BICC1: variants seen among roughly 807,000 people sequenced by gnomAD.
BICC1 encodes the protein protein bicaudal C homolog 1.
In BICC1, 43 loss-of-function variants were observed where a neutral mutation model predicts 111.0. The observed-to-expected ratio is 0.39, with a 90% CI of 0.30 to 0.50. The LOEUF (loss-of-function observed/expected upper bound fraction) is 0.50. Ranked by LOEUF, BICC1 falls within the 20% of genes least tolerant of loss-of-function variation. The pLI is 0.88. For synonymous variants in BICC1, 467 were observed against 434.4 expected, an observed-to-expected ratio of 1.07 and a Z score of -0.93; for missense variants, 1,091 against 1,203.2, an observed-to-expected ratio of 0.91 and a Z score of 1.38.
At chr10:58,711,701 C>CT (rs1166166392) in intron 3 of BICC1, among the ~76,000 whole-genome samples, 4 of 152,136 alleles carry the variant, frequency 2.6e-5, no homozygotes, top group Admixed American at 6.5e-5. Context: ...TCTTTCCAAT[C>CT]TTTTTTCTCT....
intron 1 of BICC1, among the ~76,000 whole-genome samples, chr10:58,538,508 T>A (rs897715465): frequency 3.3e-5 from 5 of 151,762 alleles, no homozygotes; most frequent in African/African-American, 1.2e-4. Context: ...CCTGAAACCA[T>A]GAAAATTCTA....
At chr10:58,513,425 G>GC in intron 1 of BICC1, 92 bp downstream of exon 1, 1 of 1,269,894 alleles carries the variant, frequency 7.9e-7, no homozygotes, top group Non-Finnish European at 1.0e-6. Flanking sequence ...CGCTACTCCA[G>GC]CCTACGGCCG....
chr10:58,754,493 G>T (rs1842083608), intron 3 of BICC1, among the ~76,000 whole-genome samples: 1 of 152,208 alleles, frequency 6.6e-6, no homozygotes, highest in African/African-American at 2.4e-5. Flanking sequence ...AAAATCCACA[G>T]CTGTTTTAAA....
chr10:58,617,552 C>T (rs1401825610), intron 1 of BICC1, among the ~76,000 whole-genome samples: 2 of 152,218 alleles, frequency 1.3e-5, no homozygotes, highest in African/African-American at 4.8e-5. Context: ...GCTGCTATTG[C>T]CTGGACTGCT....
At chr10:58,736,785 A>C (rs1275250636) in intron 3 of BICC1, among the ~76,000 whole-genome samples, 6 of 152,202 alleles carry the variant, frequency 3.9e-5, no homozygotes, top group Non-Finnish European at 8.8e-5. Context: ...ACTAAAGAAC[A>C]GTAGTCTTTG....
intron 2 of BICC1, among the ~76,000 whole-genome samples, chr10:58,666,012 G>T (rs1394185001): frequency 1.3e-5 from 2 of 152,150 alleles, no homozygotes; most frequent in Non-Finnish European, 2.9e-5. Context: ...TGGCCAAGCA[G>T]TTGATATATT....
At chr10:58,731,857 T>C (rs1237179222) in intron 3 of BICC1, among the ~76,000 whole-genome samples, 1 of 152,246 alleles carries the variant, frequency 6.6e-6, no homozygotes, top group Non-Finnish European at 1.5e-5. Flanking sequence ...TCCACCTGAA[T>C]GATCCAATCA....
In BICC1 at chr10:58,569,339, C is replaced by T. The variant is rs184164469; in HGVS notation, c.191-51516C>T. 7.4e-3 allele frequency among the ~76,000 whole-genome samples: 1,122 copies of T among 152,230 alleles called. 8 individuals are homozygous for T. The highest frequency in any genetic ancestry group is 0.013 in the Non-Finnish European group (851 of 68,006). On this transcript the variant is annotated intron_variant, in intron 1 of 20. Transcript: ENST00000373886. Reference sequence around the variant, plus strand: ...TTCTTCTTGTTGCAGTTCACCTCATCACAAGGAATATATGTACATGCCACA... The same window carrying T: ...TTCTTCTTGTTGCAGTTCACCTCATTACAAGGAATATATGTACATGCCACA...
At chr10:58,716,991 A>G (rs1840765496) in intron 3 of BICC1, among the ~76,000 whole-genome samples, 1 of 147,232 alleles carries the variant, frequency 6.8e-6, no homozygotes, top group Admixed American at 6.6e-5. Context: ...CAGCATGAGA[A>G]AGCCCCAAAA....
chr10:58,686,892 C>T (rs959028860), intron 2 of BICC1, among the ~76,000 whole-genome samples: 2 of 152,202 alleles, frequency 1.3e-5, no homozygotes, highest in Non-Finnish European at 2.9e-5. Context: ...AGTCATTGTC[C>T]ATCTAGCTTT....
Position 58,582,497 on chromosome 10 carries a change from T to C in BICC1, c.191-38358T>C, listed in dbSNP as rs76336511. 2.4e-4 allele frequency among the ~76,000 whole-genome samples: 37 copies of C among 152,338 alleles called. No homozygotes were observed. In the East Asian group the frequency reaches 6.6e-3, roughly 27 times the overall value. ...TTCTCTGTATTGATGGTGTTATAAATTCTTATTAGCTTCAGTTACTATCCA... is the reference window on the plus strand; with the variant it reads ...TTCTCTGTATTGATGGTGTTATAAACTCTTATTAGCTTCAGTTACTATCCA... On this transcript the variant is annotated intron_variant, in intron 1 of 20. Coordinates refer to ENST00000373886, the MANE Select transcript of BICC1 (RefSeq NM_001080512.3).
At chr10:58,606,595 G>T (rs1400660325) in intron 1 of BICC1, among the ~76,000 whole-genome samples, 1 of 151,926 alleles carries the variant, frequency 6.6e-6, no homozygotes, top group Non-Finnish European at 1.5e-5. Context: ...ATTTTCCCTA[G>T]AATTTAAAGC....
intron 3 of BICC1, among the ~76,000 whole-genome samples, chr10:58,764,577 C>A (rs996465463): frequency 6.6e-6 from 1 of 150,992 alleles, no homozygotes; most frequent in African/African-American, 2.4e-5. Flanking sequence ...AAAACTGATG[C>A]CAGAGTCAGG....
At chr10:58,563,226 A>C (rs1006545118) in intron 1 of BICC1, among the ~76,000 whole-genome samples, 1 of 152,122 alleles carries the variant, frequency 6.6e-6, no homozygotes, top group African/African-American at 2.4e-5. Context: ...CTCATCTCTC[A>C]ATATGGCTCT....
chr10:58,694,084 G>A (rs143813133), intron 2 of BICC1, among the ~76,000 whole-genome samples: 4 of 152,214 alleles, frequency 2.6e-5, no homozygotes, highest in East Asian at 3.9e-4. Flanking sequence ...AGCATCTGGA[G>A]TCACTCAAAT....
chr10:58,773,670 A>G (rs1238217976), intron 3 of BICC1, among the ~76,000 whole-genome samples: 1 of 152,230 alleles, frequency 6.6e-6, no homozygotes, highest in Non-Finnish European at 1.5e-5. Context: ...GAAGCAGGGC[A>G]GAGCCAAAGA....
chr10:58,716,375 A>T (rs1462610919), intron 3 of BICC1: 1 of 1,207,040 alleles, frequency 8.3e-7, no homozygotes, highest in Non-Finnish European at 1.1e-6. Flanking sequence ...ATTTACTAAC[A>T]TGCATGAATT....
At position 58,799,153 on chromosome 10, in the gene BICC1, T is replaced by C. The variant is rs1304433197; in HGVS notation, c.1626T>C (p.Ala542=). The change falls in exon 12 of 21, where the codon GCT becomes GCC. Residue 542 remains alanine (A), a synonymous_variant. Coordinates refer to ENST00000373886, the MANE Select transcript of BICC1 (RefSeq NM_001080512.3). ...GAGTGCCCACCTATGGGCACACAGC[T>C]CCATCTCCCCCTCCTGGCTTGACTC... ...LSGVPTYGHT[A]PSPPPGLTPV... 1 of 1,613,770 alleles carries C rather than the reference T, an allele frequency of 6.2e-7. No individual in the cohort carries two copies. Among genetic ancestry groups the C allele is most frequent in the East Asian group, 2.2e-5 (1 of 44,840 alleles).
At chr10:58,741,728 T>C (rs1841672753) in intron 3 of BICC1, among the ~76,000 whole-genome samples, 1 of 152,148 alleles carries the variant, frequency 6.6e-6, no homozygotes, top group African/African-American at 2.4e-5. Context: ...AGAATCCCTT[T>C]ATATTTAAAC....
Sources: gnomAD v4.1 joint callset for allele counts (sites outside exome capture counted in the v4.1 genomes callset) on GRCh38, gnomAD v4.1.1 for gene constraint, MANE v1.5 for transcripts, NCBI Gene and HGNC (gene_info 2026-07-23, HGNC 2026-07-21) for gene names.